AFF3: variants seen among roughly 807,000 people sequenced by gnomAD.
AFF3 encodes ALF transcription elongation factor 3.
AFF3 carries 32 observed loss-of-function variants against 129.7 expected under a neutral mutation model. The observed-to-expected ratio is 0.25, with a 90% CI of 0.19 to 0.33. The LOEUF is 0.33. Ranked by LOEUF, AFF3 falls within the 10% of genes least tolerant of loss-of-function variation. AFF3 has a pLI of 1.00. For missense variants in AFF3, 1,373 were observed against 1,592.0 expected, an observed-to-expected ratio of 0.86 and a Z score of 2.34; for synonymous variants, 644 against 635.4, an observed-to-expected ratio of 1.01 and a Z score of -0.20.
intron 14 of AFF3, among the ~76,000 whole-genome samples, chr2:99,599,160 C>A (rs3792132): frequency 6.6e-6 from 1 of 152,176 alleles, no homozygotes; most frequent in Non-Finnish European, 1.5e-5. Context: ...TGACAAGAGC[C>A]TCCTTTCATC....
intron 10 of AFF3, among the ~76,000 whole-genome samples, chr2:99,737,193 T>A (rs1234399080): frequency 6.6e-6 from 1 of 152,168 alleles, no homozygotes; most frequent in Non-Finnish European, 1.5e-5. Context: ...AATTCCACAT[T>A]CTCATCTTAT....
intron 8 of AFF3, among the ~76,000 whole-genome samples, chr2:99,792,330 G>A (rs544196675): frequency 3.9e-5 from 6 of 152,062 alleles, no homozygotes; most frequent in African/African-American, 9.7e-5. Flanking sequence ...TTAGCTGGGC[G>A]CACTAGCAGT....
intron 4 of AFF3, among the ~76,000 whole-genome samples, chr2:100,088,378 A>C (rs2576679): frequency 6.6e-6 from 1 of 152,198 alleles, no homozygotes; most frequent in Non-Finnish European, 1.5e-5. Context: ...TCAGTGATCC[A>C]TGTTACCATC....
chr2:100,042,896 G>T (rs1685550612), intron 4 of AFF3, among the ~76,000 whole-genome samples: 1 of 152,132 alleles, frequency 6.6e-6, no homozygotes. Flanking sequence ...CTTTCTTAGT[G>T]AATATTTTTA....
chr2:99,576,185 A>G (rs1676971138), intron 18 of AFF3, among the ~76,000 whole-genome samples: 1 of 151,816 alleles, frequency 6.6e-6, no homozygotes, highest in Non-Finnish European at 1.5e-5. Flanking sequence ...GGTGCCTGCC[A>G]CCACACCTGG....
At chr2:100,112,887 C>A (rs1324388276) in intron 2 of AFF3, among the ~76,000 whole-genome samples, 1 of 152,214 alleles carries the variant, frequency 6.6e-6, no homozygotes, top group Non-Finnish European at 1.5e-5. Context: ...AAAGCTCCTA[C>A]TCACCTGTGA....
In AFF3 at chr2:99,649,912, C is replaced by CG. The variant is rs201297787; in HGVS notation, c.1144-247dup. Among the ~76,000 whole-genome samples the CG allele has an allele frequency of 1.7e-3, 263 of 152,126 alleles. 1 individual carries two copies. The highest frequency in any genetic ancestry group is 0.012 in the East Asian group (62 of 5,172). On this transcript the variant is annotated intron_variant, in intron 12 of 24. Transcript: ENST00000672756. ...ACCTGCAACTAGGGGATGAGTTTGT[C>CG]GGGGGGGCAAAGGACTGTACCCAGG...
chr2:99,692,679 C>T (rs893920456), intron 11 of AFF3, among the ~76,000 whole-genome samples: 2 of 152,202 alleles, frequency 1.3e-5, no homozygotes, highest in African/African-American at 4.8e-5. Context: ...TTCCTGCCTT[C>T]CCCGACCTTC....
chr2:100,137,536 TACAC>T (rs3038476), intron 1 of AFF3, among the ~76,000 whole-genome samples: 18 of 144,136 alleles, frequency 1.2e-4, no homozygotes, highest in Non-Finnish European at 2.3e-4. Flanking sequence ...CACACGTGCA[TACAC>T]ACACACACAC....
At chr2:99,750,308 AAAC>A (rs1394870473) in intron 9 of AFF3, among the ~76,000 whole-genome samples, 2 of 152,188 alleles carry the variant, frequency 1.3e-5, no homozygotes, top group Non-Finnish European at 2.9e-5. Context: ...ATGCAAATGA[AAAC>A]AACAAGATAT....
intron 13 of AFF3, among the ~76,000 whole-genome samples, chr2:99,606,915 CAAA>C (rs10680840): frequency 3.2e-5 from 2 of 62,184 alleles, no homozygotes; most frequent in African/African-American, 6.7e-5. Flanking sequence ...CTCCGTCTCA[CAAA>C]AAAAAAAAAA....
At chr2:99,850,376 T>A (rs555746827) in intron 7 of AFF3, among the ~76,000 whole-genome samples, 21 of 152,316 alleles carry the variant, frequency 1.4e-4, no homozygotes, top group African/African-American at 4.6e-4. Flanking sequence ...GCAGAAAGTG[T>A]CACGGGAAGG....
intron 8 of AFF3, among the ~76,000 whole-genome samples, chr2:99,762,085 C>T (rs781170324): frequency 3.3e-5 from 5 of 151,542 alleles, no homozygotes; most frequent in African/African-American, 1.2e-4. Context: ...CTACCCTGAG[C>T]GAGCCCTCTC....
At chr2:100,095,196 G>A (rs1233721134) in intron 4 of AFF3, among the ~76,000 whole-genome samples, 2 of 150,480 alleles carry the variant, frequency 1.3e-5, no homozygotes, top group African/African-American at 4.9e-5. Context: ...TTTCTTAAAT[G>A]TAAAAGAAAC....
intron 4 of AFF3, among the ~76,000 whole-genome samples, chr2:100,049,576 C>T (rs1337710431): frequency 6.6e-6 from 1 of 152,078 alleles, no homozygotes; most frequent in Non-Finnish European, 1.5e-5. Flanking sequence ...GTTAAAGTGT[C>T]CTGAGTTACA....
At chr2:99,612,135 T>C (rs538529523) in intron 13 of AFF3, among the ~76,000 whole-genome samples, 1 of 152,308 alleles carries the variant, frequency 6.6e-6, no homozygotes, top group South Asian at 2.1e-4. Flanking sequence ...GTTTTATATG[T>C]AACATCCATG....
At position 100,089,114 on chromosome 2, in the gene AFF3, A is replaced by G. The variant is rs899646279; in HGVS notation, c.53+15288T>C. Among the ~76,000 whole-genome samples the G allele has an allele frequency of 5.3e-5, 8 of 152,310 alleles. No homozygotes were observed. The South Asian group carries it at 6.2e-4, about 12-fold the overall frequency. On this transcript the variant is annotated intron_variant, in intron 4 of 24. Coordinates refer to ENST00000672756, the MANE Select transcript of AFF3 (RefSeq NM_001386135.1). ...TGAACCTATGCTCTGGGGGCTCCTG[A>G]TAAGTTCCAGGAAACTCCTTTCACA...
chr2:99,834,700 G>C (rs1688738788), intron 8 of AFF3, among the ~76,000 whole-genome samples: 1 of 152,164 alleles, frequency 6.6e-6, no homozygotes, highest in Admixed American at 6.5e-5. Context: ...CACTGAGCTT[G>C]AATCTCATTC....
chr2:99,865,929 AT>A (rs1175859979), intron 7 of AFF3, among the ~76,000 whole-genome samples: 1 of 152,266 alleles, frequency 6.6e-6, no homozygotes, highest in Non-Finnish European at 1.5e-5. Context: ...CTACAGTTCA[AT>A]CATTCATTCA....
Sources: allele counts gnomAD v4.1 joint callset (sites outside exome capture counted in the v4.1 genomes callset), GRCh38; gene constraint gnomAD v4.1.1; transcripts MANE v1.5; gene names NCBI Gene and HGNC (gene_info 2026-07-23, HGNC 2026-07-21).